The following B3GNT6 variants were observed in gnomAD, a reference collection of about 807,000 sequenced individuals.
B3GNT6 encodes the protein acetylgalactosaminyl-O-glycosyl-glycoprotein beta-1,3-N-acetylglucosaminyltransferase.
For synonymous variants in B3GNT6, 300 were observed against 270.0 expected, an observed-to-expected ratio of 1.11 and a Z score of -1.09; for missense variants, 624 against 568.6, an observed-to-expected ratio of 1.10 and a Z score of -0.99.
At position 77,040,418 on chromosome 11, in the gene B3GNT6, C is replaced by T. The variant is rs781899944; in HGVS notation, c.867C>T (p.Gly289=). 29 of 1,529,938 alleles carry T rather than the reference C, an allele frequency of 1.9e-5. No homozygotes were observed. The East Asian group carries it at 4.2e-4, about 22-fold the overall frequency. 94.8% of individuals were successfully genotyped at this position (1,529,938 alleles called of 1,614,324 possible). Residue 289 remains glycine, a synonymous_variant, in exon 2 of 2, where the codon GGC becomes GGT. Transcript: ENST00000622824. ...YCSGGGFLLS[G]PTARALRAAA... ...GCGGCGGCGGCTTCCTCCTGTCCGG[C>T]CCCACGGCCCGGGCCCTGCGCGCGG...
intron 1 of B3GNT6, chr11:77,037,191 G>A (rs12271271): frequency 0.26 from 39,259 of 152,020 alleles, 5,197 homozygotes; most frequent in East Asian, 0.38. Flanking sequence ...GGAGGGGAGA[G>A]GTCGGCCGAG....
chr11:77,040,868 C>T lies in B3GNT6; in HGVS notation c.*162C>T. On this transcript the variant is annotated 3_prime_UTR_variant, in exon 2 of 2. Coordinates refer to ENST00000622824, the MANE Select transcript of B3GNT6 (RefSeq NM_138706.5). ...GGGGGGTGTGGAAAATGCCTACATC[C>T]TGGCTCCATCTCCCGAAGTTTCGAT... 2 of 1,179,356 alleles carry T rather than the reference C, an allele frequency of 1.7e-6. No homozygotes were observed. The highest frequency in any genetic ancestry group is 2.3e-6 in the Non-Finnish European group (2 of 887,822). 73.1% of individuals were successfully genotyped at this position (1,179,356 alleles called of 1,614,324 possible).
intron 1 of B3GNT6, 26 bp from the exon 2 acceptor site, chr11:77,039,526 C>A (rs1555027362): frequency 1.3e-6 from 2 of 1,535,678 alleles, no homozygotes; most frequent in Non-Finnish European, 1.8e-6. Flanking sequence ...ACTTCCGGCT[C>A]ACCTCTGACT....
intron 1 of B3GNT6, among the ~76,000 whole-genome samples, chr11:77,035,340 A>T (rs1350614952): frequency 6.6e-6 from 1 of 152,236 alleles, no homozygotes; most frequent in East Asian, 1.9e-4. Flanking sequence ...CCAACTGCTA[A>T]TGTTATTCTG....
rs1555027531 is a variant in B3GNT6 at position 77,039,985 on chromosome 11, G to C, written c.434G>C (p.Ser145Thr). The C allele has an allele frequency of 4.4e-6, 7 of 1,578,528 alleles. No homozygotes were observed. Among genetic ancestry groups the C allele is most frequent in the African/African-American group, 1.4e-5 (1 of 73,672 alleles). Residue 145 changes from serine to threonine, a missense_variant, in exon 2 of 2, where the codon AGC (serine) becomes ACC (threonine). By Grantham distance (58) the Ser-to-Thr change is moderately conservative. Transcript: ENST00000622824. Reference sequence around the variant, plus strand: ...CGGCGCACGTGGGGGCAAGAGCGCAGCTACGGCGGGCGGCCAGTGCGCCGC... The same window carrying C: ...CGGCGCACGTGGGGGCAAGAGCGCACCTACGGCGGGCGGCCAGTGCGCCGC... Reference protein sequence around the residue: ...LIRRTWGQERSYGGRPVRRLF... With the variant: ...LIRRTWGQERTYGGRPVRRLF...
chr11:77,035,923 C>A (rs890509943), intron 1 of B3GNT6, among the ~76,000 whole-genome samples: 3 of 152,176 alleles, frequency 2.0e-5, no homozygotes, highest in African/African-American at 7.2e-5. Context: ...GATTATTTTT[C>A]TTTCCAGAAA....
chr11:77,040,070 G>A lies in B3GNT6; in HGVS notation c.519G>A (p.Glu173=). 1.9e-6 allele frequency: 3 copies of A among 1,580,284 alleles called. No individual in the cohort carries two copies. Among genetic ancestry groups the A allele is most frequent in the Non-Finnish European group, 2.6e-6 (3 of 1,172,520 alleles). ...EDEARAERLA[E]LVALEAREHG... ...AGGCGCGCGCGGAGCGGCTGGCGGA[G>A]CTGGTGGCGCTGGAGGCGCGCGAGC... The change falls in exon 2 of 2, where the codon GAG becomes GAA. Residue 173 remains glutamate, a synonymous_variant. Coordinates refer to ENST00000622824, the MANE Select transcript of B3GNT6 (RefSeq NM_138706.5).
At chr11:77,038,263 T>C (rs1555027229) in intron 1 of B3GNT6, among the ~76,000 whole-genome samples, 1 of 149,986 alleles carries the variant, frequency 6.7e-6, no homozygotes, top group African/African-American at 2.5e-5. Flanking sequence ...GAGTCTGTTT[T>C]AAGGAGGGAG....
chr11:77,040,504 G>T lies in B3GNT6; in HGVS notation c.953G>T (p.Arg318Leu), dbSNP rs782090275. The T allele has an allele frequency of 1.9e-6, 3 of 1,545,230 alleles. No individual in the cohort carries two copies. The highest frequency in any genetic ancestry group is 2.7e-5 in the African/African-American group (2 of 73,440). ...GCCTACATGGGCATGTGTCTGGAGCGCGCCGGCCTGGCGCCCAGCGGCCAC... is the reference window on the plus strand; with the variant it reads ...GCCTACATGGGCATGTGTCTGGAGCTCGCCGGCCTGGCGCCCAGCGGCCAC... ...DDAYMGMCLE[R>L]AGLAPSGHEG... is the part of the protein sequence containing the mutation. The change falls in exon 2 of 2, where the codon CGC becomes CTC. Residue 318 changes from arginine (R) to leucine (L), a missense_variant. Arg to Leu is a moderately radical substitution (Grantham distance 102). Transcript: ENST00000622824.
Position 77,040,098 on chromosome 11 carries a change from G to C in B3GNT6, c.547G>C (p.Gly183Arg), listed in dbSNP as rs1337127320. ...GGTGGCGCTGGAGGCGCGCGAGCACGGCGACGTGCTGCAGTGGGCCTTCGC... is the reference window on the plus strand; with the variant it reads ...GGTGGCGCTGGAGGCGCGCGAGCACCGCGACGTGCTGCAGTGGGCCTTCGC... ...ELVALEAREH[G>R]DVLQWAFADT... The change falls in exon 2 of 2, where the codon GGC becomes CGC. Residue 183 changes from glycine to arginine, a missense_variant. By Grantham distance (125) the Gly-to-Arg change is moderately radical. Transcript: ENST00000622824. 26 of 1,594,128 alleles carry C rather than the reference G, an allele frequency of 1.6e-5. No individual in the cohort carries two copies. Among genetic ancestry groups the C allele is most frequent in the Non-Finnish European group, 2.2e-5 (26 of 1,177,750 alleles).
chr11:77,038,111 A>ATGAGT, intron 1 of B3GNT6, among the ~76,000 whole-genome samples: 1 of 26,456 alleles, frequency 3.8e-5, no homozygotes, highest in Non-Finnish European at 6.6e-5. Flanking sequence ...GAGGGAGAGA[A>ATGAGT]GGGAGGATAG....
chr11:77,040,303 T>A lies in B3GNT6; in HGVS notation c.752T>A (p.Met251Lys). ...CGCCACCTGTTCTCCGGCCAGCTCATGGAGGGCTCCGTGCCCATCCGCGAC... is the reference window on the plus strand; with the variant it reads ...CGCCACCTGTTCTCCGGCCAGCTCAAGGAGGGCTCCGTGCCCATCCGCGAC... ...PGRHLFSGQL[M>K]EGSVPIRDSW... The change falls in exon 2 of 2, where the codon ATG becomes AAG. Residue 251 changes from methionine to lysine, a missense_variant. Met to Lys is a moderately conservative substitution (Grantham distance 95). Coordinates refer to ENST00000622824, the MANE Select transcript of B3GNT6 (RefSeq NM_138706.5). 1 of 1,585,742 alleles carries A rather than the reference T, an allele frequency of 6.3e-7. No individual in the cohort carries two copies. The highest frequency in any genetic ancestry group is 1.1e-5 in the South Asian group (1 of 88,880).
Position 77,040,076 on chromosome 11 carries a change from G to A in B3GNT6, c.525G>A (p.Val175=). 2 of 1,583,684 alleles carry A rather than the reference G, an allele frequency of 1.3e-6. No homozygotes were observed. The highest frequency in any genetic ancestry group is 1.7e-6 in the Non-Finnish European group (2 of 1,173,806). Residue 175 remains valine (V), a synonymous_variant, in exon 2 of 2, where the codon GTG becomes GTA. Transcript: ENST00000622824. ...GCGCGGAGCGGCTGGCGGAGCTGGT[G>A]GCGCTGGAGGCGCGCGAGCACGGCG... ...EARAERLAEL[V]ALEAREHGDV...
At position 77,040,448 on chromosome 11, in the gene B3GNT6, C is replaced by T. The variant is rs1304092501; in HGVS notation, c.897C>T (p.Ala299=). 2.0e-6 allele frequency: 3 copies of T among 1,534,842 alleles called. No individual in the cohort carries two copies. Among genetic ancestry groups the T allele is most frequent in the African/African-American group, 2.7e-5 (2 of 73,072 alleles). Residue 299 remains alanine (A), a synonymous_variant, in exon 2 of 2, where the codon GCC becomes GCT. Coordinates refer to ENST00000622824, the MANE Select transcript of B3GNT6 (RefSeq NM_138706.5). ...CGGCCCGGGCCCTGCGCGCGGCCGC[C>T]CGCCACACCCCGCTCTTCCCCATCG... The part of the protein sequence containing the change: ...GPTARALRAA[A]RHTPLFPIDD...
chr11:77,039,383 C>G (rs1949663566), intron 1 of B3GNT6, among the ~76,000 whole-genome samples, 169 bp from the exon 2 acceptor site: 1 of 152,064 alleles, frequency 6.6e-6, no homozygotes, highest in Admixed American at 6.5e-5. Flanking sequence ...GTGTGGGAGA[C>G]CAGAGACCGT....
Position 77,040,449 on chromosome 11 carries a change from C to T in B3GNT6, c.898C>T (p.Arg300Cys). The T allele has an allele frequency of 6.5e-7, 1 of 1,534,946 alleles. No individual in the cohort carries two copies. The highest frequency in any genetic ancestry group is 8.7e-7 in the Non-Finnish European group (1 of 1,145,838). Residue 300 changes from arginine to cysteine, a missense_variant, in exon 2 of 2, where the codon CGC (arginine) becomes TGC (cysteine). Arg to Cys is a radical substitution (Grantham distance 180). Coordinates refer to ENST00000622824, the MANE Select transcript of B3GNT6 (RefSeq NM_138706.5). ...PTARALRAAA[R>C]HTPLFPIDDA... ...GGCCCGGGCCCTGCGCGCGGCCGCCCGCCACACCCCGCTCTTCCCCATCGA... is the reference window on the plus strand; with the variant it reads ...GGCCCGGGCCCTGCGCGCGGCCGCCTGCCACACCCCGCTCTTCCCCATCGA...
Position 77,040,046 on chromosome 11 carries a change from G to A in B3GNT6, c.495G>A (p.Glu165=), listed in dbSNP as rs546848248. The A allele has an allele frequency of 4.5e-5, 71 of 1,582,278 alleles. No individual in the cohort carries two copies. The South Asian group carries it at 7.2e-4, about 16-fold the overall frequency. ...TGGGCACCCCGGGCCCCGAGGACGA[G>A]GCGCGCGCGGAGCGGCTGGCGGAGC... The part of the protein sequence containing the change: ...FLLGTPGPED[E]ARAERLAELV... Residue 165 remains glutamate (E), a synonymous_variant, in exon 2 of 2, where the codon GAG becomes GAA. Transcript: ENST00000622824.
At position 77,039,605 on chromosome 11, in the gene B3GNT6, G is replaced by C. The variant is rs1555027384; in HGVS notation, c.54G>C (p.Leu18=). Residue 18 remains leucine, a synonymous_variant, in exon 2 of 2, where the codon CTG becomes CTC. Coordinates refer to ENST00000622824, the MANE Select transcript of B3GNT6 (RefSeq NM_138706.5). The part of the protein sequence containing the change: ...SLTAKTLACL[L]VGVSFLALQQ... ...CTGCCAAGACTCTGGCCTGCCTCCT[G>C]GTGGGCGTGAGTTTCTTAGCACTGC... The C allele has an allele frequency of 6.2e-7, 1 of 1,610,052 alleles. No homozygotes were observed. The highest frequency in any genetic ancestry group is 1.3e-5 in the African/African-American group (1 of 74,504).
At position 77,040,659 on chromosome 11, in the gene B3GNT6, C is replaced by T. The variant is rs782092571; in HGVS notation, c.1108C>T (p.Leu370=). Residue 370 remains leucine, a synonymous_variant, in exon 2 of 2, where the codon CTG becomes TTG. Transcript: ENST00000622824. ...PYEMLLMWKA[L]HSPALSCDRG... is the part of the protein sequence containing the mutation. ...CGAGATGCTGCTCATGTGGAAGGCG[C>T]TGCACAGCCCCGCGCTCAGCTGTGA... The T allele has an allele frequency of 6.2e-7, 1 of 1,600,522 alleles. No homozygotes were observed. Among genetic ancestry groups the T allele is most frequent in the South Asian group, 1.1e-5 (1 of 90,536 alleles).
Sources: allele counts gnomAD v4.1 joint callset (sites outside exome capture counted in the v4.1 genomes callset), GRCh38; gene constraint gnomAD v4.1.1; transcripts MANE v1.5; gene names NCBI Gene and HGNC (gene_info 2026-07-23, HGNC 2026-07-21).